FANCL: variants seen among roughly 807,000 people sequenced by gnomAD.
FANCL encodes the protein FA complementation group L.
Under a neutral mutation model 59.4 loss-of-function variants are expected in FANCL, and 69 were observed. That is an observed-to-expected ratio of 1.16 (90% CI 0.96 to 1.42). FANCL has a LOEUF of 1.42. Among genes scored for constraint, FANCL ranks in the 40% most tolerant of loss-of-function variants. The pLI is 0.00. For synonymous variants in FANCL, 180 were observed against 147.1 expected, an observed-to-expected ratio of 1.22 and a Z score of -1.62; for missense variants, 519 against 447.2, an observed-to-expected ratio of 1.16 and a Z score of -1.45.
chr2:58,202,696 G>GA lies in FANCL; in HGVS notation c.471+1433dup, dbSNP rs1553448395. On this transcript the variant is annotated intron_variant, in intron 6 of 13. Transcript: ENST00000233741. ...ATCTTATCTACCTTGAAAAAGTATA[G>GA]AAAAAAGCAGACAAAATGGACCATA... Among the ~76,000 whole-genome samples, 94 of 151,430 alleles carry GA rather than the reference G, an allele frequency of 6.2e-4. 1 individual carries two copies. Among genetic ancestry groups the GA allele is most frequent in the African/African-American group, 2.1e-3 (85 of 41,238 alleles).
Position 58,188,479 on chromosome 2 carries a change from C to A in FANCL, c.540+10115G>T, listed in dbSNP as rs186252134. Among the ~76,000 whole-genome samples, 126 of 151,628 alleles carry A rather than the reference C, an allele frequency of 8.3e-4. 2 individuals carry two copies. Among genetic ancestry groups the A allele is most frequent in the Admixed American group, 8.3e-3 (126 of 15,200 alleles). On this transcript the variant is annotated intron_variant, in intron 7 of 13. Transcript: ENST00000233741. ...TTTTGAGATAGGGTCTCTCTGTCAC[C>A]CAGGCTGAAGTGCAGTGGCATGATC...
chr2:58,226,882 G>A (rs957631152), intron 3 of FANCL, 98 bp from the exon 4 acceptor site: 3 of 975,630 alleles, frequency 3.1e-6, no homozygotes, highest in Non-Finnish European at 3.2e-6. Context: ...GTGAAAAAAA[G>A]ATTAGCTATA....
Position 58,162,910 on chromosome 2 carries a change from C to T in FANCL, c.859G>A (p.Val287Ile), listed in dbSNP as rs1242239364. The stretch of plus-strand genomic sequence containing the variant: ...CGAGCTGGAAAATCAATTTCTAAAA[C>T]ATCTTTCAAATTTTGTAACACACTA... ...ENSVLQNLKD[V>I]LEIDFPARAI... The change falls in exon 11 of 14, where the codon GTT (valine) becomes ATT (isoleucine). Residue 287 changes from valine to isoleucine, a missense_variant. Physicochemically the swap from Val to Ile is conservative, Grantham distance 29. Coordinates refer to ENST00000233741, the MANE Select transcript of FANCL (RefSeq NM_018062.4). 2 of 1,612,874 alleles carry T rather than the reference C, an allele frequency of 1.2e-6. No homozygotes were observed. Among genetic ancestry groups the T allele is most frequent in the South Asian group, 1.1e-5 (1 of 91,056 alleles).
rs1241662928 is a variant in FANCL at position 58,174,999 on chromosome 2, T to C, written c.541-9125A>G. ...TACAAACTACCATCAGAGAATACTA[T>C]AAACACCTCTATGCAAATAAACTAG... On this transcript the variant is annotated intron_variant, in intron 7 of 13. Coordinates refer to ENST00000233741, the MANE Select transcript of FANCL (RefSeq NM_018062.4). Among the ~76,000 whole-genome samples the C allele has an allele frequency of 3.3e-5, 5 of 152,034 alleles. No homozygotes were observed. The South Asian group carries it at 8.3e-4, about 25-fold the overall frequency.
intron 6 of FANCL, among the ~76,000 whole-genome samples, chr2:58,199,451 T>C (rs958816564): frequency 1.3e-5 from 2 of 152,180 alleles, no homozygotes; most frequent in African/African-American, 2.4e-5. Context: ...TAAAAAATTA[T>C]TTTCTATATT....
intron 1 of FANCL, among the ~76,000 whole-genome samples, chr2:58,235,622 A>G (rs1401359695): frequency 2.6e-5 from 4 of 152,156 alleles, no homozygotes; most frequent in Admixed American, 6.6e-5. Context: ...CATCCAATCA[A>G]GATATACCAA....
Position 58,190,426 on chromosome 2 carries a change from C to G in FANCL, c.540+8168G>C, listed in dbSNP as rs191858496. Among the ~76,000 whole-genome samples the G allele has an allele frequency of 5.2e-5, 7 of 133,386 alleles. No individual in the cohort carries two copies. In the East Asian group the frequency reaches 9.5e-4, roughly 18 times the overall value. 87.5% of individuals were successfully genotyped at this position (133,386 alleles called of 152,430 possible). ...CATGCTGAAAATAAGTAGGTACTTT[C>G]AATCTTATCCTTAGCATCCTATATT... On this transcript the variant is annotated intron_variant, in intron 7 of 13. Transcript: ENST00000233741.
At chr2:58,230,723 T>C (rs891389981) in intron 2 of FANCL, among the ~76,000 whole-genome samples, 6 of 152,164 alleles carry the variant, frequency 3.9e-5, no homozygotes, top group Admixed American at 1.3e-4. Flanking sequence ...GAGTAGTTCA[T>C]TCAAATGTCC....
chr2:58,170,832 A>T (rs1686526970), intron 7 of FANCL, among the ~76,000 whole-genome samples: 1 of 152,204 alleles, frequency 6.6e-6, no homozygotes, highest in Admixed American at 6.5e-5. Flanking sequence ...AACAATCCTA[A>T]ATGTATATGC....
At chr2:58,239,748 G>A (rs112301635) in intron 1 of FANCL, among the ~76,000 whole-genome samples, 7 of 152,188 alleles carry the variant, frequency 4.6e-5, no homozygotes, top group African/African-American at 1.7e-4. Context: ...AATGGTTCAG[G>A]AAAATAATGT....
At chr2:58,186,211 T>G (rs1280442248) in intron 7 of FANCL, among the ~76,000 whole-genome samples, 1 of 152,214 alleles carries the variant, frequency 6.6e-6, no homozygotes, top group Non-Finnish European at 1.5e-5. Context: ...CATATATAAT[T>G]GCATAGGTTT....
chr2:58,173,304 C>T (rs954396445), intron 7 of FANCL, among the ~76,000 whole-genome samples: 3 of 152,080 alleles, frequency 2.0e-5, no homozygotes, highest in Non-Finnish European at 4.4e-5. Flanking sequence ...AAGATACTCT[C>T]GAGAAGAGCA....
At chr2:58,160,342 C>A (rs1381714196) in intron 12 of FANCL, among the ~76,000 whole-genome samples, 163 bp from the exon 13 acceptor site, 3 of 151,920 alleles carry the variant, frequency 2.0e-5, no homozygotes, top group African/African-American at 7.2e-5. Context: ...GAGCCAATAG[C>A]AGACTATTAA....
chr2:58,235,431 A>C (rs550685734), intron 1 of FANCL, among the ~76,000 whole-genome samples: 7 of 152,268 alleles, frequency 4.6e-5, no homozygotes, highest in South Asian at 2.1e-4. Flanking sequence ...GTAGAGACTA[A>C]CTACCTTAGA....
chr2:58,199,416 A>T (rs1179288405), intron 6 of FANCL, among the ~76,000 whole-genome samples: 4 of 152,178 alleles, frequency 2.6e-5, no homozygotes, highest in African/African-American at 7.2e-5. Context: ...AAATACACAA[A>T]CATGAATACA....
At position 58,167,118 on chromosome 2, in the gene FANCL, A is replaced by T. The variant is rs553659651; in HGVS notation, c.541-1244T>A. On this transcript the variant is annotated intron_variant, in intron 7 of 13. Transcript: ENST00000233741. ...TCCCAGCTATTTGGGAGACAGAGGC[A>T]GGAGAATCACTTGAACCCGGGAGGC... Among the ~76,000 whole-genome samples, 3 of 152,316 alleles carry T rather than the reference A, an allele frequency of 2.0e-5. No individual in the cohort carries two copies. The South Asian group carries it at 6.2e-4, about 32-fold the overall frequency.
At chr2:58,201,513 C>A (rs970919132) in intron 6 of FANCL, among the ~76,000 whole-genome samples, 2 of 151,906 alleles carry the variant, frequency 1.3e-5, no homozygotes, top group Non-Finnish European at 2.9e-5. Context: ...TAAGGCTGAT[C>A]CCCAAGTAAA....
intron 7 of FANCL, among the ~76,000 whole-genome samples, chr2:58,196,781 C>A (rs1234699090): frequency 6.6e-6 from 1 of 151,734 alleles, no homozygotes; most frequent in Non-Finnish European, 1.5e-5. Context: ...CAAAGAAACT[C>A]ATAAACAGTG....
At chr2:58,196,031 T>C (rs1689389528) in intron 7 of FANCL, among the ~76,000 whole-genome samples, 1 of 152,094 alleles carries the variant, frequency 6.6e-6, no homozygotes, top group Non-Finnish European at 1.5e-5. Context: ...TAAATCAAGT[T>C]GCTGATTAAC....
Sources: allele counts gnomAD v4.1 joint callset (sites outside exome capture counted in the v4.1 genomes callset), GRCh38; gene constraint gnomAD v4.1.1; transcripts MANE v1.5; gene names NCBI Gene and HGNC (gene_info 2026-07-23, HGNC 2026-07-21).